Variants in LRRC7 observed in about 807,000 individuals in gnomAD.
The protein encoded by LRRC7 is leucine rich repeat containing 7.
LRRC7 carries 23 observed loss-of-function variants against 175.7 expected under a neutral mutation model. That is an observed-to-expected ratio of 0.13 (90% CI 0.09 to 0.19). The LOEUF (loss-of-function observed/expected upper bound fraction) is 0.19. LRRC7 is among the 10% of genes least tolerant of loss of function. The pLI, the probability that LRRC7 is intolerant of heterozygous loss-of-function variation, is 1.00. For synonymous variants in LRRC7, 685 were observed against 680.9 expected, an observed-to-expected ratio of 1.01 and a Z score of -0.09; for missense variants, 1,354 against 1,904.7, an observed-to-expected ratio of 0.71 and a Z score of 5.38.
rs1245478986 is a variant in LRRC7 at position 70,137,430 on chromosome 1, C to A, written c.*15543C>A. On this transcript the variant is annotated 3_prime_UTR_variant, in exon 27 of 27. Coordinates refer to ENST00000651989, the MANE Select transcript of LRRC7 (RefSeq NM_001370785.2). ...GACCCTTGAAAGCTTTAAAATAATT[C>A]TTTTGTGTTTTAGACACCTAAGAAA... Among the ~76,000 whole-genome samples the A allele has an allele frequency of 6.6e-6, 1 of 152,152 alleles. No individual in the cohort carries two copies. Among genetic ancestry groups the A allele is most frequent in the Non-Finnish European group, 1.5e-5 (1 of 68,010 alleles).
intron 1 of LRRC7, 122 bp downstream of exon 1, chr1:69,568,763 G>C (rs1645605268): frequency 3.4e-6 from 2 of 589,312 alleles, no homozygotes; most frequent in Non-Finnish European, 4.6e-6. Flanking sequence ...AGGGCGGGAG[G>C]CTTCGGCGCT....
In LRRC7 at chr1:69,924,678, A is replaced by C. The variant is rs866317833; in HGVS notation, c.648-6829A>C. Among the ~76,000 whole-genome samples, 735 of 152,236 alleles carry C rather than the reference A, an allele frequency of 4.8e-3. 7 individuals are homozygous for C. Among genetic ancestry groups the C allele is most frequent in the African/African-American group, 0.016 (646 of 41,488 alleles). ...TCCTGAGACTTTGCTGAAGTTGCTTATCAGCTTAAGGAGATTTTGGGCTGA... is the reference window on the plus strand; with the variant it reads ...TCCTGAGACTTTGCTGAAGTTGCTTCTCAGCTTAAGGAGATTTTGGGCTGA... On this transcript the variant is annotated intron_variant, in intron 7 of 26. Transcript: ENST00000651989.
chr1:69,941,747 T>C (rs746463667), intron 8 of LRRC7, among the ~76,000 whole-genome samples: 20 of 152,068 alleles, frequency 1.3e-4, no homozygotes, highest in Non-Finnish European at 2.5e-4. Context: ...CATAAAATCG[T>C]GGAAAATAAC....
chr1:69,626,149 G>A (rs907289028), intron 1 of LRRC7, among the ~76,000 whole-genome samples: 3 of 152,052 alleles, frequency 2.0e-5, no homozygotes, highest in Non-Finnish European at 2.9e-5. Flanking sequence ...CTTGGGACCC[G>A]TTAATATCTG....
chr1:70,088,734 C>G (rs1663797689), intron 24 of LRRC7, among the ~76,000 whole-genome samples: 1 of 152,220 alleles, frequency 6.6e-6, no homozygotes, highest in South Asian at 2.1e-4. Flanking sequence ...TGCTCAGGGT[C>G]TCCAGGAATT....
chr1:69,840,333 C>T lies in LRRC7; in HGVS notation c.647+2050C>T, dbSNP rs114620194. On this transcript the variant is annotated intron_variant, in intron 7 of 26. Coordinates refer to ENST00000651989, the MANE Select transcript of LRRC7 (RefSeq NM_001370785.2). ...ATACCTCATGTAACTTAAAGCTACA[C>T]GAGAGCATTATAGTATCCTTTATTT... Among the ~76,000 whole-genome samples, 564 of 151,912 alleles carry T rather than the reference C, an allele frequency of 3.7e-3. 3 individuals carry two copies. Among genetic ancestry groups the T allele is most frequent in the African/African-American group, 0.013 (530 of 41,484 alleles).
At chr1:69,958,338 A>C (rs2101837965) in intron 8 of LRRC7, among the ~76,000 whole-genome samples, 1 of 152,156 alleles carries the variant, frequency 6.6e-6, no homozygotes, top group South Asian at 2.1e-4. Context: ...GGTCATAAAG[A>C]CTTCCACAAG....
At chr1:69,579,794 CTTTTTTT>C (rs71242784) in intron 1 of LRRC7, among the ~76,000 whole-genome samples, 25,646 of 127,206 alleles carry the variant, frequency 0.2, 2,467 homozygotes, top group East Asian at 0.37. Flanking sequence ...TGAATAGAAG[CTTTTTTT>C]TTTTTTTTTT....
chr1:69,715,197 C>T (rs1234725243), intron 2 of LRRC7, among the ~76,000 whole-genome samples: 1 of 152,090 alleles, frequency 6.6e-6, no homozygotes, highest in Non-Finnish European at 1.5e-5. Flanking sequence ...TCAATCCTCC[C>T]TTTAAGACTT....
intron 1 of LRRC7, among the ~76,000 whole-genome samples, chr1:69,617,717 T>G (rs1649892228): frequency 6.6e-6 from 1 of 151,922 alleles, no homozygotes; most frequent in African/African-American, 2.4e-5. Context: ...CTTCCTAACT[T>G]CATGTATCTG....
At chr1:69,866,251 TCTC>T (rs1188427095) in intron 7 of LRRC7, among the ~76,000 whole-genome samples, 7 of 152,310 alleles carry the variant, frequency 4.6e-5, no homozygotes, top group African/African-American at 1.4e-4. Flanking sequence ...AGAGGAATCT[TCTC>T]CTTACTTTAT....
intron 26 of LRRC7, among the ~76,000 whole-genome samples, chr1:70,110,667 A>G (rs995943851): frequency 1.5e-3 from 232 of 152,304 alleles, no homozygotes; most frequent in African/African-American, 5.4e-3. Context: ...TATTTTTGCC[A>G]TAGAACTCAC....
chr1:69,879,212 T>TAAAAAAAAAAAAAAAAAA (rs201332183), intron 7 of LRRC7, among the ~76,000 whole-genome samples: 1 of 91,974 alleles, frequency 1.1e-5, no homozygotes, highest in African/African-American at 5.2e-5. Flanking sequence ...AAAACTGCTT[T>TAAAAAAAAAAAAAAAAAA]AAAAAAAAAA....
intron 4 of LRRC7, among the ~76,000 whole-genome samples, chr1:69,808,566 C>T (rs1677416917): frequency 6.6e-6 from 1 of 152,178 alleles, no homozygotes; most frequent in Non-Finnish European, 1.5e-5. Flanking sequence ...AACAGTCTCT[C>T]AGACTACAGT....
At chr1:69,896,336 A>G (rs1374264157) in intron 7 of LRRC7, among the ~76,000 whole-genome samples, 1 of 152,278 alleles carries the variant, frequency 6.6e-6, no homozygotes, top group Non-Finnish European at 1.5e-5. Flanking sequence ...TATTTGAAAT[A>G]TACAATAGAT....
At chr1:69,628,918 G>A (rs144429905) in intron 1 of LRRC7, among the ~76,000 whole-genome samples, 1 of 152,050 alleles carries the variant, frequency 6.6e-6, no homozygotes, top group Non-Finnish European at 1.5e-5. Flanking sequence ...ATATATATGG[G>A]CAGGAAAATG....
intron 7 of LRRC7, among the ~76,000 whole-genome samples, chr1:69,869,883 A>G (rs1474020224): frequency 6.6e-6 from 1 of 152,186 alleles, no homozygotes; most frequent in Admixed American, 6.5e-5. Context: ...TAGCCAATGG[A>G]TAAAGCATGG....
intron 8 of LRRC7, among the ~76,000 whole-genome samples, chr1:69,937,764 C>G (rs1648197215): frequency 6.6e-6 from 1 of 151,940 alleles, no homozygotes; most frequent in South Asian, 2.1e-4. Context: ...TTAGGAATCA[C>G]TAGCTAATTT....
intron 4 of LRRC7, among the ~76,000 whole-genome samples, chr1:69,809,580 T>C (rs763817957): frequency 6.6e-6 from 1 of 152,090 alleles, no homozygotes; most frequent in Non-Finnish European, 1.5e-5. Context: ...ATCCACACCA[T>C]CAAGTTGGCT....
Sources: allele counts gnomAD v4.1 joint callset (sites outside exome capture counted in the v4.1 genomes callset), GRCh38; gene constraint gnomAD v4.1.1; transcripts MANE v1.5; gene names NCBI Gene and HGNC (gene_info 2026-07-23, HGNC 2026-07-21).